Variants in KLHL2 observed in about 807,000 individuals in gnomAD.
KLHL2 encodes kelch-like protein 2.
KLHL2 carries 15 observed loss-of-function variants against 75.8 expected under a neutral mutation model. The observed-to-expected ratio is 0.20, with a 90% CI of 0.13 to 0.30. The LOEUF is 0.30. Among genes scored for constraint, KLHL2 ranks in the 10% least tolerant of loss-of-function variants. KLHL2 has a pLI of 1.00. For synonymous variants in KLHL2, 214 were observed against 251.9 expected (o/e 0.85, Z 1.42); for missense variants, 381 against 741.0 (o/e 0.51, Z 5.64).
intron 9 of KLHL2, among the ~76,000 whole-genome samples, chr4:165,308,572 T>G (rs1579175022): frequency 6.6e-6 from 1 of 152,300 alleles, no homozygotes; most frequent in East Asian, 1.9e-4. Flanking sequence ...CCAGAGCCTT[T>G]GGTAGGGGGC....
At chr4:165,267,249 A>T (rs1161280553) in intron 5 of KLHL2, among the ~76,000 whole-genome samples, 1 of 152,158 alleles carries the variant, frequency 6.6e-6, no homozygotes, top group Non-Finnish European at 1.5e-5. Context: ...CAATCATGTT[A>T]TCTGCAAACA....
intron 5 of KLHL2, among the ~76,000 whole-genome samples, chr4:165,265,591 G>A (rs1742178246): frequency 6.6e-6 from 1 of 151,870 alleles, no homozygotes; most frequent in South Asian, 2.1e-4. Flanking sequence ...TATATAAAAC[G>A]TGTACACGAG....
intron 5 of KLHL2, among the ~76,000 whole-genome samples, chr4:165,281,703 GA>G (rs1289486542): frequency 6.6e-6 from 1 of 152,130 alleles, no homozygotes; most frequent in African/African-American, 2.4e-5. Context: ...GAGGGAAACA[GA>G]AAAGTTCAAT....
intron 5 of KLHL2, chr4:165,279,793 A>G: frequency 9.7e-6 from 7 of 720,154 alleles, no homozygotes; most frequent in African/African-American, 5.2e-5. Context: ...CTAGCAGGCT[A>G]CTGCGTTCTC....
chr4:165,255,486 G>A (rs1337372387), intron 4 of KLHL2, among the ~76,000 whole-genome samples: 1 of 152,182 alleles, frequency 6.6e-6, no homozygotes, highest in Non-Finnish European at 1.5e-5. Flanking sequence ...TGCATGTGGG[G>A]TACAGGAAAG....
intron 4 of KLHL2, among the ~76,000 whole-genome samples, chr4:165,254,044 T>C (rs1409678979): frequency 3.9e-5 from 6 of 152,262 alleles, no homozygotes; most frequent in Non-Finnish European, 5.9e-5. Flanking sequence ...GTAGAACACT[T>C]TCTTTACTCT....
At chr4:165,212,093 A>G (rs1272504385) in intron 1 of KLHL2, among the ~76,000 whole-genome samples, 2 of 152,126 alleles carry the variant, frequency 1.3e-5, no homozygotes, top group Admixed American at 6.5e-5. Flanking sequence ...ATCCAAATGC[A>G]TTTACTCTTT....
rs542046700 is a variant in KLHL2, at chr4:165,208,933, A to C, written c.26+1031A>C. On this transcript the variant is annotated intron_variant, in intron 1 of 14. Transcript: ENST00000226725. ...CCAGTCTCTTGTGGTTATTTGGCAG[A>C]ATTCCAGCCAAAATAAGGATACTTG... Among the ~76,000 whole-genome samples, 35 of 152,368 alleles carry C rather than the reference A, an allele frequency of 2.3e-4. No individual in the cohort carries two copies. In the South Asian group the frequency reaches 6.6e-3, roughly 29 times the overall value.
intron 5 of KLHL2, among the ~76,000 whole-genome samples, chr4:165,293,896 C>T (rs1286650347): frequency 6.6e-6 from 1 of 152,090 alleles, no homozygotes; most frequent in African/African-American, 2.4e-5. Context: ...CCAAATAAAG[C>T]AGGGCTTTTT....
At chr4:165,264,729 T>A (rs1355045370) in intron 5 of KLHL2, among the ~76,000 whole-genome samples, 1 of 76,878 alleles carries the variant, frequency 1.3e-5, no homozygotes, top group Non-Finnish European at 2.5e-5. Flanking sequence ...TACATATATA[T>A]ATATATATAT....
chr4:165,258,905 G>A (rs535680660), intron 4 of KLHL2, among the ~76,000 whole-genome samples: 1 of 152,118 alleles, frequency 6.6e-6, no homozygotes, highest in Non-Finnish European at 1.5e-5. Flanking sequence ...CTGATCACTT[G>A]TAATCATTTG....
intron 5 of KLHL2, among the ~76,000 whole-genome samples, chr4:165,276,761 G>C (rs1413556064): frequency 1.3e-5 from 2 of 152,092 alleles, no homozygotes; most frequent in Non-Finnish European, 2.9e-5. Flanking sequence ...TGAACTGAAA[G>C]AGATTCCTGG....
At chr4:165,297,466 C>A in intron 6 of KLHL2, 143 bp from the exon 7 acceptor site, 1 of 581,622 alleles carries the variant, frequency 1.7e-6, no homozygotes, top group South Asian at 2.2e-5. Context: ...CATTGCAAGT[C>A]AGGATTTTGA....
intron 5 of KLHL2, among the ~76,000 whole-genome samples, chr4:165,268,534 A>G (rs1410218396): frequency 3.0e-4 from 46 of 152,172 alleles, no homozygotes; most frequent in Admixed American, 2.9e-3. Flanking sequence ...AGTGACTTCA[A>G]AGAACATCTT....
chr4:165,273,721 A>G (rs1023403931), intron 5 of KLHL2, among the ~76,000 whole-genome samples: 5 of 152,238 alleles, frequency 3.3e-5, no homozygotes, highest in South Asian at 2.1e-4. Flanking sequence ...CTATAAGTCC[A>G]TTAAACCTCT....
intron 5 of KLHL2, chr4:165,277,867 G>A: frequency 1.3e-6 from 1 of 795,998 alleles, no homozygotes. Flanking sequence ...CGCAGCAAGT[G>A]GCTTATAAAT....
intron 9 of KLHL2, among the ~76,000 whole-genome samples, chr4:165,309,520 T>C (rs962978860): frequency 3.3e-5 from 5 of 152,200 alleles, no homozygotes; most frequent in South Asian, 4.1e-4. Context: ...AGAGAATAAG[T>C]ATTTTAGGCT....
intron 8 of KLHL2, among the ~76,000 whole-genome samples, chr4:165,302,016 C>T (rs1745388361): frequency 6.6e-6 from 1 of 152,066 alleles, no homozygotes; most frequent in Admixed American, 6.5e-5. Flanking sequence ...TGGAGTAGGA[C>T]TCCTATAGCT....
intron 2 of KLHL2, among the ~76,000 whole-genome samples, chr4:165,223,591 T>C (rs151163586): frequency 7.9e-4 from 120 of 152,252 alleles, no homozygotes; most frequent in African/African-American, 2.7e-3. Flanking sequence ...AAGAGCAGAA[T>C]TGTGGCAGGC....
Sources: allele counts gnomAD v4.1 joint callset (sites outside exome capture counted in the v4.1 genomes callset), GRCh38; gene constraint gnomAD v4.1.1; transcripts MANE v1.5; gene names NCBI Gene and HGNC (gene_info 2026-07-23, HGNC 2026-07-21).